The following NET1 variants were observed in gnomAD, a reference collection of about 807,000 sequenced individuals.
NET1 encodes the protein neuroepithelial cell-transforming gene 1 protein.
Under a neutral mutation model 61.1 loss-of-function variants are expected in NET1, and 42 were observed. The ratio of observed to expected loss-of-function variants is 0.69; its 90% CI spans 0.54 to 0.89. The LOEUF (loss-of-function observed/expected upper bound fraction) is 0.89, where lower values mean the gene tolerates loss of function less well. NET1 is among the 40% of genes least tolerant of loss of function. NET1 has a pLI of 0.00. For missense variants in NET1, 654 were observed against 747.3 expected (o/e 0.88, Z 1.46); for synonymous variants, 254 against 281.8 (o/e 0.90, Z 0.99).
rs1045272083 is a variant in NET1, at chr10:5,455,381, ATTAG to A, written c.1197+266_1197+269del. Reference sequence around the variant, plus strand: ...CCAGGGGTTCCTGTCTAAATACAGTATTAGTTCCATAATGCTTAATAAAAAAGCA... The same window carrying A: ...CCAGGGGTTCCTGTCTAAATACAGTATTCCATAATGCTTAATAAAAAAGCA... On this transcript the variant is annotated intron_variant, in intron 10 of 11. Transcript: ENST00000355029. The surrounding 1 kb of genome is among the most constrained non-coding windows in gnomAD (Gnocchi z 6.5). Among the ~76,000 whole-genome samples, 1 of 152,252 alleles carries A rather than the reference ATTAG, an allele frequency of 6.6e-6. No individual in the cohort carries two copies. The highest frequency in any genetic ancestry group is 6.5e-5 in the Admixed American group (1 of 15,290).
At chr10:5,432,651 T>C (rs1305166016) in intron 3 of NET1, among the ~76,000 whole-genome samples, 1 of 152,264 alleles carries the variant, frequency 6.6e-6, no homozygotes, top group African/African-American at 2.4e-5. Context: ...TTGAAGTCAT[T>C]CTACAGAGGA....
rs1327645540 is a variant in NET1, at chr10:5,456,284, G to A, written c.1384+11G>A. Reference sequence around the variant, plus strand: ...GTAACTCAGAGAAAGGTAAAATGCAGGCCTTCAATAATTTAAAGAAATAGA... The same window carrying A: ...GTAACTCAGAGAAAGGTAAAATGCAAGCCTTCAATAATTTAAAGAAATAGA... On this transcript the variant is annotated intron_variant, in intron 11 of 11. Transcript: ENST00000355029. This position sits in a 1 kb window ranked among gnomAD's most constrained non-coding sequence, Gnocchi z 7.0. The A allele has an allele frequency of 8.8e-6, 14 of 1,585,612 alleles. No individual in the cohort carries two copies. Among genetic ancestry groups the A allele is most frequent in the Admixed American group, 1.9e-5 (1 of 53,772 alleles).
rs549706859 is a variant in NET1 at position 5,429,531 on chromosome 10, G to A, written c.255+302G>A. The stretch of plus-strand genomic sequence containing the variant: ...CGAAGGAACGAGGTAAGAGAGGGCC[G>A]GTGGTGAAAAGGAGAGCCCCAGGTT... On this transcript the variant is annotated intron_variant, in intron 3 of 11. Coordinates refer to ENST00000355029, the MANE Select transcript of NET1 (RefSeq NM_001047160.3). 8.5e-5 allele frequency among the ~76,000 whole-genome samples: 13 copies of A among 152,292 alleles called. No homozygotes were observed. The South Asian group carries it at 2.1e-3, about 24-fold the overall frequency.
intron 3 of NET1, among the ~76,000 whole-genome samples, chr10:5,445,296 C>T (rs528748414): frequency 2.6e-5 from 4 of 152,318 alleles, no homozygotes; most frequent in Admixed American, 2.6e-4. Context: ...TGGCATTGTT[C>T]CCAGCCGTGT....
Position 5,429,236 on chromosome 10 carries a change from C to G in NET1, c.255+7C>G, listed in dbSNP as rs1290747445. 1 of 1,583,926 alleles carries G rather than the reference C, an allele frequency of 6.3e-7. No homozygotes were observed. The highest frequency in any genetic ancestry group is 1.4e-5 in the African/African-American group (1 of 73,960). On this transcript the variant is annotated splice_region_variant and intron_variant, in intron 3 of 11. Transcript: ENST00000355029. ...TAGCAGCCTTGATCTGAAGGTAAGC[C>G]CTGCTGCCCTGTTAAAGAAAAGCAT... is the stretch of plus-strand genomic sequence containing the variant.
rs1832553829 is a variant in NET1 at position 5,443,302 on chromosome 10, A to G, written c.256-8528A>G. 6.6e-6 allele frequency among the ~76,000 whole-genome samples: 1 copy of G among 152,242 alleles called. No homozygotes were observed. ...GTCAGTCCTAGTTTCCTCCTTCTCT[A>G]AAATTGAGATAATAAGTACTTCATA... On this transcript the variant is annotated intron_variant, in intron 3 of 11. Transcript: ENST00000355029. The surrounding 1 kb of genome is among the most constrained non-coding windows in gnomAD (Gnocchi z 4.8).
rs868530417 is a variant in NET1, at chr10:5,431,668, A to G, written c.255+2439A>G. On this transcript the variant is annotated intron_variant, in intron 3 of 11. Coordinates refer to ENST00000355029, the MANE Select transcript of NET1 (RefSeq NM_001047160.3). The surrounding 1 kb of genome is among the most constrained non-coding windows in gnomAD (Gnocchi z 4.9). ...TCAGTTTTCAACAATAACGAATTCT[A>G]TTCATTAGCATTCTCTGAAAGTAAG... 1.2e-4 allele frequency among the ~76,000 whole-genome samples: 19 copies of G among 152,216 alleles called. No homozygotes were observed. The Middle Eastern group carries it at 0.01, about 82-fold the overall frequency.
intron 3 of NET1, among the ~76,000 whole-genome samples, chr10:5,448,684 T>TTTTTC (rs1832657456): frequency 6.6e-6 from 1 of 150,970 alleles, no homozygotes; most frequent in Non-Finnish European, 1.5e-5. Flanking sequence ...TTTTTTTTTT[T>TTTTTC]TTTTTGAGGA....
In NET1 at chr10:5,444,739, A is replaced by T. The variant is rs1442830569; in HGVS notation, c.256-7091A>T. Among the ~76,000 whole-genome samples the T allele has an allele frequency of 6.6e-6, 1 of 152,052 alleles. No individual in the cohort carries two copies. The highest frequency in any genetic ancestry group is 1.5e-5 in the Non-Finnish European group (1 of 68,002). The stretch of plus-strand genomic sequence containing the variant: ...ATTCACTCCCATAGCTTCGATTTTT[A>T]TCTCTGTATCTGACTCTCCAGTCTA... On this transcript the variant is annotated intron_variant, in intron 3 of 11. Transcript: ENST00000355029. This position sits in a 1 kb window ranked among gnomAD's most constrained non-coding sequence, Gnocchi z 5.3.
At chr10:5,436,220 G>GCA (rs1832432685) in intron 3 of NET1, among the ~76,000 whole-genome samples, 1 of 45,620 alleles carries the variant, frequency 2.2e-5, no homozygotes, top group African/African-American at 9.2e-5. Flanking sequence ...GTGTGTGTGT[G>GCA]TGTGCATATA....
chr10:5,429,771 A>T (rs909850169), intron 3 of NET1, among the ~76,000 whole-genome samples: 1 of 152,228 alleles, frequency 6.6e-6, no homozygotes, highest in African/African-American at 2.4e-5. Context: ...AAGTTTTCTT[A>T]TATGAAATTG....
In NET1 at chr10:5,454,793, G is replaced by GATTTTTC. The variant is rs1234506140; in HGVS notation, c.1027-153_1027-152insTTTTCAT. ...CTCAATTTGGCTAGGACTGTTTCTT[G>GATTTTTC]ATCTATAAAATGAACAGACTGGCAG... On this transcript the variant is annotated intron_variant, in intron 9 of 11. Coordinates refer to ENST00000355029, the MANE Select transcript of NET1 (RefSeq NM_001047160.3). The surrounding 1 kb of genome is among the most constrained non-coding windows in gnomAD (Gnocchi z 8.1). 6.6e-6 allele frequency among the ~76,000 whole-genome samples: 1 copy of GATTTTTC among 152,196 alleles called. No homozygotes were observed. The highest frequency in any genetic ancestry group is 1.5e-5 in the Non-Finnish European group (1 of 68,030).
At position 5,451,417 on chromosome 10, in the gene NET1, CTG is replaced by C. The variant is rs963638205; in HGVS notation, c.256-410_256-409del. On this transcript the variant is annotated intron_variant, in intron 3 of 11. Coordinates refer to ENST00000355029, the MANE Select transcript of NET1 (RefSeq NM_001047160.3). The surrounding 1 kb of genome is among the most constrained non-coding windows in gnomAD (Gnocchi z 6.1). Reference sequence around the variant, plus strand: ...ATGAAACAAATTGTTATACCAGACACTGTGGAGGCCCCTCGATAGACACATGG... The same window carrying C: ...ATGAAACAAATTGTTATACCAGACACTGGAGGCCCCTCGATAGACACATGG... Among the ~76,000 whole-genome samples the C allele has an allele frequency of 4.6e-5, 7 of 151,998 alleles. No individual in the cohort carries two copies. Among genetic ancestry groups the C allele is most frequent in the Non-Finnish European group, 1.0e-4 (7 of 68,016 alleles).
Position 5,426,608 on chromosome 10 carries a change from T to C in NET1, c.129-47T>C. The C allele has an allele frequency of 2.1e-6, 3 of 1,445,890 alleles. No homozygotes were observed. The highest frequency in any genetic ancestry group is 2.9e-6 in the Non-Finnish European group (3 of 1,036,484). The allele number at this position is 1,445,890 out of a possible 1,614,324, so 89.6% of individuals were successfully genotyped here. ...TTTTTATCTGTTTGATGCTCTATTA[T>C]GCTAAAGTCAATCTCTTTATTTATT... On this transcript the variant is annotated intron_variant, in intron 1 of 11. Coordinates refer to ENST00000355029, the MANE Select transcript of NET1 (RefSeq NM_001047160.3). The surrounding 1 kb of genome is among the most constrained non-coding windows in gnomAD (Gnocchi z 4.6).
intron 3 of NET1, among the ~76,000 whole-genome samples, chr10:5,436,140 GT>G (rs1832424802): frequency 7.5e-6 from 1 of 133,736 alleles, no homozygotes; most frequent in Non-Finnish European, 1.5e-5. Flanking sequence ...TCAGTTTTCC[GT>G]TTTCCTAGAA....
In NET1 at chr10:5,421,310, G is replaced by A. The variant is rs1832171328; in HGVS notation, c.129-5345G>A. Among the ~76,000 whole-genome samples the A allele has an allele frequency of 6.6e-6, 1 of 152,122 alleles. No homozygotes were observed. Among genetic ancestry groups the A allele is most frequent in the East Asian group, 1.9e-4 (1 of 5,196 alleles). ...ATAGAACTTTACATATCACCCATAT[G>A]GCAGAAATATAAATACATACTGATC... On this transcript the variant is annotated intron_variant, in intron 1 of 11. Coordinates refer to ENST00000355029, the MANE Select transcript of NET1 (RefSeq NM_001047160.3). This position sits in a 1 kb window ranked among gnomAD's most constrained non-coding sequence, Gnocchi z 4.2.
intron 2 of NET1, among the ~76,000 whole-genome samples, chr10:5,428,867 TGTGTGTCACCACGC>T (rs1426080965): frequency 6.7e-6 from 1 of 150,366 alleles, no homozygotes; most frequent in Non-Finnish European, 1.5e-5. Context: ...GGACTACAGG[TGTGTGTCACCACGC>T]GCAGCTAATT....
Position 5,427,664 on chromosome 10 carries a change from A to G in NET1, c.195+943A>G, listed in dbSNP as rs1268034595. Among the ~76,000 whole-genome samples, 1 of 151,996 alleles carries G rather than the reference A, an allele frequency of 6.6e-6. No homozygotes were observed. Among genetic ancestry groups the G allele is most frequent in the Admixed American group, 6.5e-5 (1 of 15,268 alleles). On this transcript the variant is annotated intron_variant, in intron 2 of 11. Transcript: ENST00000355029. This position sits in a 1 kb window ranked among gnomAD's most constrained non-coding sequence, Gnocchi z 4.1. The stretch of plus-strand genomic sequence containing the variant: ...AGTAAAATATTTCTTGAGTTCCAAC[A>G]CCTCCATTCTGATATATATTGTTCT...
Position 5,439,234 on chromosome 10 carries a change from T to C in NET1, c.255+10005T>C, listed in dbSNP as rs912579665. Among the ~76,000 whole-genome samples the C allele has an allele frequency of 7.2e-5, 11 of 152,222 alleles. No individual in the cohort carries two copies. The highest frequency in any genetic ancestry group is 2.7e-4 in the African/African-American group (11 of 41,456). On this transcript the variant is annotated intron_variant, in intron 3 of 11. Transcript: ENST00000355029. The surrounding 1 kb of genome is among the most constrained non-coding windows in gnomAD (Gnocchi z 4.8). ...ATTACTGACACTGGAGTGTTCTCCT[T>C]TGCCGCTCTCTTTAGGATTACCCCT...
Sources: gnomAD v4.1 joint callset for allele counts (sites outside exome capture counted in the v4.1 genomes callset) on GRCh38, gnomAD v4.1.1 for gene constraint, Gnocchi (gnomAD v3.1) non-coding constraint, MANE v1.5 for transcripts, NCBI Gene and HGNC (gene_info 2026-07-23, HGNC 2026-07-21) for gene names.